UBE2V2: variants seen among roughly 807,000 people sequenced by gnomAD.
The protein encoded by UBE2V2 is ubiquitin-conjugating enzyme E2 variant 2.
UBE2V2 carries 9 observed loss-of-function variants against 17.2 expected under a neutral mutation model. The observed-to-expected ratio is 0.52, with a 90% CI of 0.32 to 0.91. The LOEUF (loss-of-function observed/expected upper bound fraction) is 0.91, where lower values mean the gene tolerates loss of function less well. UBE2V2 is among the 40% of genes least tolerant of loss of function. UBE2V2 has a pLI of 0.04. For synonymous variants in UBE2V2, 61 were observed against 57.5 expected, an observed-to-expected ratio of 1.06 and a Z score of -0.28; for missense variants, 133 against 182.6, an observed-to-expected ratio of 0.73 and a Z score of 1.56.
At chr8:48,036,406 G>A (rs2091425387) in intron 1 of UBE2V2, among the ~76,000 whole-genome samples, 1 of 151,862 alleles carries the variant, frequency 6.6e-6, no homozygotes, top group Admixed American at 6.6e-5. Flanking sequence ...TCTTTAATTT[G>A]GTATAGAGTA....
chr8:48,008,628 C>G, intron 1 of UBE2V2, 158 bp downstream of exon 1: 6 of 1,101,386 alleles, frequency 5.4e-6, no homozygotes, highest in Non-Finnish European at 5.8e-6. Context: ...CCGGGTGGGA[C>G]CGGCGCCGAG....
intron 1 of UBE2V2, among the ~76,000 whole-genome samples, chr8:48,021,420 C>G (rs2091304712): frequency 6.7e-6 from 1 of 150,266 alleles, no homozygotes; most frequent in Non-Finnish European, 1.5e-5. Flanking sequence ...CATTCTCCTG[C>G]CTCATCCTCC....
chr8:48,016,781 CTT>C (rs554494819), intron 1 of UBE2V2, among the ~76,000 whole-genome samples: 55 of 128,392 alleles, frequency 4.3e-4, no homozygotes, highest in East Asian at 2.7e-3. Context: ...CGTGCCCAGC[CTT>C]TTTTTTTTTT....
intron 1 of UBE2V2, among the ~76,000 whole-genome samples, chr8:48,023,799 C>A (rs2091321322): frequency 6.6e-6 from 1 of 151,996 alleles, no homozygotes; most frequent in African/African-American, 2.4e-5. Flanking sequence ...TCACTTGAAC[C>A]CAGGAGGCAG....
the UBE2V2 span, among the ~76,000 whole-genome samples, chr8:47,999,396 C>T: frequency 6.6e-6 from 1 of 150,836 alleles, no homozygotes; most frequent in Non-Finnish European, 1.5e-5. Context: ...CTTGCTCTGT[C>T]GCCAGGCTGG....
upstream of UBE2V2, among the ~76,000 whole-genome samples, chr8:48,008,078 C>T (rs1447277255): frequency 2.6e-5 from 4 of 152,052 alleles, no homozygotes; most frequent in African/African-American, 9.7e-5. Flanking sequence ...CGCGCCACCA[C>T]GTCCGGCTAA....
At chr8:48,023,367 C>A (rs1326146851) in intron 1 of UBE2V2, among the ~76,000 whole-genome samples, 1 of 151,942 alleles carries the variant, frequency 6.6e-6, no homozygotes, top group African/African-American at 2.4e-5. Context: ...ACGCACGCAC[C>A]ACCACGCTCA....
intron 1 of UBE2V2, among the ~76,000 whole-genome samples, chr8:48,016,046 C>T (rs866127864): frequency 2.0e-5 from 3 of 151,870 alleles, no homozygotes; most frequent in Admixed American, 6.6e-5. Flanking sequence ...TACTGGCACC[C>T]GCCGCCAAGC....
chr8:48,019,366 A>G (rs2091289677), intron 1 of UBE2V2, among the ~76,000 whole-genome samples: 1 of 152,024 alleles, frequency 6.6e-6, no homozygotes, highest in African/African-American at 2.4e-5. Context: ...TCCTGCTCAA[A>G]ACAAAACAAA....
chr8:48,000,821 CAAAAAAAAA>C, the UBE2V2 span, among the ~76,000 whole-genome samples: 1 of 20,530 alleles, frequency 4.9e-5, no homozygotes, highest in Non-Finnish European at 1.1e-4. Context: ...GACTTTGCCT[CAAAAAAAAA>C]AAAAAAAAAA....
chr8:48,005,094 C>T (rs367890308), upstream of UBE2V2, among the ~76,000 whole-genome samples: 2 of 149,202 alleles, frequency 1.3e-5, no homozygotes, highest in African/African-American at 2.5e-5. Flanking sequence ...GAGGTATACA[C>T]GTGCCATGGT....
chr8:48,010,637 G>A (rs1362707413), intron 1 of UBE2V2, among the ~76,000 whole-genome samples: 5 of 149,740 alleles, frequency 3.3e-5, no homozygotes, highest in Admixed American at 1.3e-4. Context: ...TCTTGACCTC[G>A]TGATCCGGCC....
intron 1 of UBE2V2, among the ~76,000 whole-genome samples, chr8:48,021,159 C>T (rs1015672067): frequency 4.0e-5 from 6 of 150,896 alleles, no homozygotes; most frequent in African/African-American, 1.5e-4. Flanking sequence ...CTCACTGCAA[C>T]CTCTGCCTCC....
chr8:48,001,471 G>C, the UBE2V2 span, among the ~76,000 whole-genome samples: 1 of 152,270 alleles, frequency 6.6e-6, no homozygotes, highest in South Asian at 2.1e-4. Context: ...ATTGTGGCAT[G>C]TATCTGTAGT....
At chr8:48,025,438 TA>T (rs201551786) in intron 1 of UBE2V2, among the ~76,000 whole-genome samples, 201 of 147,276 alleles carry the variant, frequency 1.4e-3, no homozygotes, top group Non-Finnish European at 1.2e-3. Flanking sequence ...TGATTATTAT[TA>T]TTTTTTTTTT....
intron 2 of UBE2V2, among the ~76,000 whole-genome samples, chr8:48,048,396 A>G (rs561857411): frequency 3.0e-4 from 45 of 152,304 alleles, no homozygotes; most frequent in African/African-American, 8.9e-4. Flanking sequence ...TAAAGCTGCT[A>G]TGGGCATTCT....
rs559280889 is a variant in UBE2V2, at chr8:48,025,842, C to T, written c.17-17191C>T. ...GTCTCAATCTCCTGACCTCGTGATC[C>T]GCCTGCCTTGGTCTCCCAAAGTGCT... On this transcript the variant is annotated intron_variant, in intron 1 of 3. Transcript: ENST00000523111. 9.4e-5 allele frequency among the ~76,000 whole-genome samples: 14 copies of T among 149,190 alleles called. No individual in the cohort carries two copies. The South Asian group carries it at 1.9e-3, about 21-fold the overall frequency.
At chr8:48,035,071 A>G (rs1174346917) in intron 1 of UBE2V2, 5 of 984,364 alleles carry the variant, frequency 5.1e-6, no homozygotes, top group African/African-American at 1.8e-5. Context: ...GGTGAGTGCC[A>G]GAACTGGCCT....
intron 1 of UBE2V2, among the ~76,000 whole-genome samples, chr8:48,008,956 AAATAAGAGCG>A (rs1206002186): frequency 1.3e-5 from 2 of 152,146 alleles, no homozygotes; most frequent in Non-Finnish European, 2.9e-5. Context: ...TTGCTCCTTA[AAATAAGAGCG>A]AGAGGATCTT....
Sources: allele counts gnomAD v4.1 joint callset (sites outside exome capture counted in the v4.1 genomes callset), GRCh38; gene constraint gnomAD v4.1.1; transcripts MANE v1.5; gene names NCBI Gene and HGNC (gene_info 2026-07-23, HGNC 2026-07-21).